The following ST6GALNAC3 variants were observed in gnomAD, a reference collection of about 807,000 sequenced individuals.
ST6GALNAC3 encodes the protein alpha-N-acetylgalactosaminide alpha-2,6-sialyltransferase 3.
In ST6GALNAC3, 25 loss-of-function variants were observed where a neutral mutation model predicts 32.7. The ratio of observed to expected loss-of-function variants is 0.76; its 90% CI spans 0.56 to 1.07. ST6GALNAC3 has a LOEUF of 1.07. Among genes scored for constraint, ST6GALNAC3 ranks in the 50% least tolerant of loss-of-function variants. ST6GALNAC3 has a pLI of 0.00. For missense variants in ST6GALNAC3, 355 were observed against 382.4 expected (o/e 0.93, Z 0.60); for synonymous variants, 129 against 133.1 (o/e 0.97, Z 0.21).
chr1:76,205,582 C>A (rs969253983), intron 1 of ST6GALNAC3, among the ~76,000 whole-genome samples: 1 of 152,142 alleles, frequency 6.6e-6, no homozygotes, highest in African/African-American at 2.4e-5. Flanking sequence ...CCTTAGGCAT[C>A]CCCTAAGGGA....
At chr1:76,624,916 G>T (rs1014376034) in intron 3 of ST6GALNAC3, among the ~76,000 whole-genome samples, 14 of 152,004 alleles carry the variant, frequency 9.2e-5, no homozygotes, top group African/African-American at 3.1e-4. Context: ...TCACATGTTT[G>T]CTCATTACAA....
chr1:76,275,686 A>G (rs1659094970), intron 1 of ST6GALNAC3, among the ~76,000 whole-genome samples: 1 of 152,114 alleles, frequency 6.6e-6, no homozygotes, highest in Non-Finnish European at 1.5e-5. Context: ...GAGTATACCT[A>G]GCATTAGGTT....
chr1:76,547,418 C>A (rs77126330), intron 3 of ST6GALNAC3, among the ~76,000 whole-genome samples: 2 of 152,184 alleles, frequency 1.3e-5, no homozygotes, highest in African/African-American at 4.8e-5. Flanking sequence ...ACAGGGAATG[C>A]CTAAGACACG....
chr1:76,277,052 C>T (rs987665152), intron 1 of ST6GALNAC3, among the ~76,000 whole-genome samples: 1 of 152,106 alleles, frequency 6.6e-6, no homozygotes, highest in Admixed American at 6.5e-5. Context: ...GTTCTGCTTA[C>T]TAATCCAGGG....
chr1:76,430,090 A>C (rs1397970196), intron 3 of ST6GALNAC3, among the ~76,000 whole-genome samples: 1 of 152,162 alleles, frequency 6.6e-6, no homozygotes, highest in African/African-American at 2.4e-5. Context: ...TTCCTAACGA[A>C]AATGTAATTG....
At chr1:76,513,482 G>C (rs1661994453) in intron 3 of ST6GALNAC3, among the ~76,000 whole-genome samples, 1 of 152,062 alleles carries the variant, frequency 6.6e-6, no homozygotes, top group African/African-American at 2.4e-5. Context: ...GTGTTCCATT[G>C]ATCTGTGTGT....
chr1:76,588,108 T>C (rs1570376944), intron 3 of ST6GALNAC3, among the ~76,000 whole-genome samples: 2 of 152,322 alleles, frequency 1.3e-5, no homozygotes, highest in East Asian at 3.9e-4. Context: ...TAGATCCCAT[T>C]CCTCTTTGTA....
At chr1:76,285,910 G>C (rs1040182139) in intron 1 of ST6GALNAC3, among the ~76,000 whole-genome samples, 1 of 151,284 alleles carries the variant, frequency 6.6e-6, no homozygotes, top group East Asian at 1.9e-4. Context: ...ACACACCCCC[G>C]CGCCCCCTCC....
chr1:76,431,656 A>G (rs1321729833), intron 3 of ST6GALNAC3, among the ~76,000 whole-genome samples: 1 of 152,206 alleles, frequency 6.6e-6, no homozygotes, highest in African/African-American at 2.4e-5. Context: ...GAACATGGGA[A>G]TAGAACAAGA....
At chr1:76,571,793 A>G (rs931736709) in intron 3 of ST6GALNAC3, among the ~76,000 whole-genome samples, 2 of 152,048 alleles carry the variant, frequency 1.3e-5, no homozygotes, top group African/African-American at 4.8e-5. Context: ...ACTTTGTACT[A>G]TTGGGTTCCA....
At chr1:76,362,980 A>G (rs1363900072) in intron 2 of ST6GALNAC3, among the ~76,000 whole-genome samples, 1 of 152,204 alleles carries the variant, frequency 6.6e-6, no homozygotes, top group Non-Finnish European at 1.5e-5. Flanking sequence ...GGGACTCTGA[A>G]CATGGGCTCC....
intron 3 of ST6GALNAC3, among the ~76,000 whole-genome samples, chr1:76,462,563 A>G (rs1399234438): frequency 6.6e-6 from 1 of 152,048 alleles, no homozygotes. Flanking sequence ...AAAGAATACA[A>G]CTTCTCAGCA....
At chr1:76,592,427 A>G (rs900775398) in intron 3 of ST6GALNAC3, among the ~76,000 whole-genome samples, 4 of 152,120 alleles carry the variant, frequency 2.6e-5, no homozygotes, top group Non-Finnish European at 5.9e-5. Flanking sequence ...GAAATGAGAA[A>G]AGGGTTGAGA....
chr1:76,137,336 T>C lies in ST6GALNAC3; in HGVS notation c.18+62452T>C, dbSNP rs150364785. On this transcript the variant is annotated intron_variant, in intron 1 of 4. Transcript: ENST00000328299. Reference sequence around the variant, plus strand: ...TATGGATGTGATGTTGGGGAATTTCTAAGATTGAAGTGGCCAGTTGCATGT... The same window carrying C: ...TATGGATGTGATGTTGGGGAATTTCCAAGATTGAAGTGGCCAGTTGCATGT... 5.4e-3 allele frequency among the ~76,000 whole-genome samples: 816 copies of C among 152,342 alleles called. 1 individual carries two copies. The highest frequency in any genetic ancestry group is 8.1e-3 in the Non-Finnish European group (554 of 68,032).
At chr1:76,358,423 T>C (rs576279175) in intron 2 of ST6GALNAC3, among the ~76,000 whole-genome samples, 1 of 152,176 alleles carries the variant, frequency 6.6e-6, no homozygotes, top group Non-Finnish European at 1.5e-5. Flanking sequence ...AAGTCAAAAT[T>C]CTGGAAGTCA....
chr1:76,594,462 C>A (rs1647100187), intron 3 of ST6GALNAC3, among the ~76,000 whole-genome samples: 1 of 152,176 alleles, frequency 6.6e-6, no homozygotes, highest in Non-Finnish European at 1.5e-5. Flanking sequence ...CTAATACCCT[C>A]TTGTTCCTCT....
intron 1 of ST6GALNAC3, among the ~76,000 whole-genome samples, chr1:76,087,286 G>A (rs1247310597): frequency 2.6e-5 from 4 of 152,172 alleles, no homozygotes; most frequent in Admixed American, 6.5e-5. Context: ...CTAGGTTTCT[G>A]TGTTAAAACT....
At chr1:76,371,921 C>T in intron 2 of ST6GALNAC3, among the ~76,000 whole-genome samples, 1 of 152,116 alleles carries the variant, frequency 6.6e-6, no homozygotes, top group East Asian at 1.9e-4. Flanking sequence ...TTCCCCTACT[C>T]CTCCTTTTGG....
rs114165447 is a variant in ST6GALNAC3 at position 76,174,334 on chromosome 1, G to A, written c.18+99450G>A. ...GCTTGTTGTGGGATGGGGGTGAGAG[G>A]AGGGAACTTACAGGATAGGTCAATA... is the stretch of plus-strand genomic sequence containing the variant. On this transcript the variant is annotated intron_variant, in intron 1 of 4. Coordinates refer to ENST00000328299, the MANE Select transcript of ST6GALNAC3 (RefSeq NM_152996.4). Among the ~76,000 whole-genome samples the A allele has an allele frequency of 3.7e-3, 566 of 152,148 alleles. 4 individuals are homozygous for A. Among genetic ancestry groups the A allele is most frequent in the African/African-American group, 0.013 (529 of 41,508 alleles).
Sources: gnomAD v4.1 joint callset for allele counts (sites outside exome capture counted in the v4.1 genomes callset) on GRCh38, gnomAD v4.1.1 for gene constraint, MANE v1.5 for transcripts, NCBI Gene and HGNC (gene_info 2026-07-23, HGNC 2026-07-21) for gene names.